The following PLXNA4 variants were observed in gnomAD, a reference collection of about 807,000 sequenced individuals.
PLXNA4 encodes plexin-A4.
Under a neutral mutation model 191.8 loss-of-function variants are expected in PLXNA4, and 44 were observed. The observed-to-expected ratio is 0.23, with a 90% CI of 0.18 to 0.29. PLXNA4 has a LOEUF of 0.29. Ranked by LOEUF, PLXNA4 falls within the 10% of genes least tolerant of loss-of-function variation. The pLI is 1.00. For missense variants in PLXNA4, 1,800 were observed against 2,488.8 expected (o/e 0.72, Z 5.89); for synonymous variants, 1,082 against 1,009.5 (o/e 1.07, Z -1.36).
intron 3 of PLXNA4, among the ~76,000 whole-genome samples, chr7:132,341,254 A>G (rs1186497075): frequency 6.6e-6 from 1 of 151,972 alleles, no homozygotes. Context: ...GTTTTCTCCA[A>G]CCCTTGGGTT....
chr7:132,417,784 C>G (rs1794710755), intron 3 of PLXNA4, among the ~76,000 whole-genome samples: 1 of 151,928 alleles, frequency 6.6e-6, no homozygotes, highest in African/African-American at 2.4e-5. Flanking sequence ...ATCTGTTACT[C>G]TGGTTTCTGC....
At chr7:132,376,334 A>G (rs910055376) in intron 3 of PLXNA4, among the ~76,000 whole-genome samples, 3 of 152,058 alleles carry the variant, frequency 2.0e-5, no homozygotes, top group Non-Finnish European at 2.9e-5. Context: ...GGAAGAAGAA[A>G]TCCATGTCTC....
At chr7:132,452,435 G>A (rs541408626) in intron 3 of PLXNA4, among the ~76,000 whole-genome samples, 1 of 152,332 alleles carries the variant, frequency 6.6e-6, no homozygotes, top group South Asian at 2.1e-4. Context: ...AGGAAAAGAA[G>A]AAGTAATGTG....
At chr7:132,260,594 T>C (rs533848828) in intron 4 of PLXNA4, among the ~76,000 whole-genome samples, 1 of 152,096 alleles carries the variant, frequency 6.6e-6, no homozygotes, top group Admixed American at 6.5e-5. Context: ...GGTGGGATCA[T>C]TTGTACACCA....
intron 2 of PLXNA4, among the ~76,000 whole-genome samples, chr7:132,602,009 G>A (rs1043467372): frequency 1.3e-5 from 2 of 152,180 alleles, no homozygotes; most frequent in African/African-American, 4.8e-5. Context: ...CTAAATCAAT[G>A]AGGCCCAGTC....
intron 4 of PLXNA4, among the ~76,000 whole-genome samples, chr7:132,273,032 A>G (rs1800135143): frequency 6.6e-6 from 1 of 152,196 alleles, no homozygotes; most frequent in Non-Finnish European, 1.5e-5. Context: ...TCTTTCCTAA[A>G]GCCATATCTA....
chr7:132,367,503 T>G (rs1804236686), intron 3 of PLXNA4: 1 of 145,614 alleles, frequency 6.9e-6, no homozygotes. Context: ...GGGGTGAAGG[T>G]ATTGGGAAGA....
rs1442302727 is a variant in PLXNA4, at chr7:132,236,454, G to A, written c.1604+4612C>T. 3.3e-5 allele frequency among the ~76,000 whole-genome samples: 5 copies of A among 152,246 alleles called. No homozygotes were observed. The East Asian group carries it at 9.7e-4, about 29-fold the overall frequency. On this transcript the variant is annotated intron_variant, in intron 5 of 31. Transcript: ENST00000321063. ...AAGGAACTCTTTTCCTGCCGTCCTG[G>A]TCTTCCTGAGTGAAGATCAGGCTTG...
chr7:132,468,830 C>A (rs774531336), intron 3 of PLXNA4, among the ~76,000 whole-genome samples: 9 of 152,114 alleles, frequency 5.9e-5, no homozygotes, highest in Non-Finnish European at 1.3e-4. Context: ...TGTAACACAT[C>A]AGCTGTTCAT....
intron 3 of PLXNA4, chr7:132,484,641 C>A (rs550074401): frequency 2.9e-4 from 328 of 1,144,706 alleles, no homozygotes; most frequent in Non-Finnish European, 3.8e-4. Flanking sequence ...AACTACCTGA[C>A]CGAACCCTGT....
intron 3 of PLXNA4, among the ~76,000 whole-genome samples, chr7:132,483,431 T>A: frequency 6.6e-6 from 1 of 152,216 alleles, no homozygotes; most frequent in Non-Finnish European, 1.5e-5. Context: ...TCCTTTCCCA[T>A]CTTTGTTGTC....
chr7:132,405,234 G>C (rs1242359790), intron 3 of PLXNA4, among the ~76,000 whole-genome samples: 1 of 152,106 alleles, frequency 6.6e-6, no homozygotes, highest in African/African-American at 2.4e-5. Context: ...TGGAGCCTGG[G>C]CCTTGGTGAT....
At chr7:132,214,747 C>T (rs906636959) in intron 9 of PLXNA4, among the ~76,000 whole-genome samples, 2 of 152,206 alleles carry the variant, frequency 1.3e-5, no homozygotes, top group Non-Finnish European at 2.9e-5. Flanking sequence ...GAAGGCTTCT[C>T]ACCCAGCAGG....
At chr7:132,554,798 G>A (rs1383718589) in intron 1 of PLXNA4, among the ~76,000 whole-genome samples, 1 of 152,158 alleles carries the variant, frequency 6.6e-6, no homozygotes, top group Non-Finnish European at 1.5e-5. Flanking sequence ...AGGCAAGTGA[G>A]GACATCCAAG....
chr7:132,310,965 ACTC>A (rs1479038525), intron 3 of PLXNA4, among the ~76,000 whole-genome samples: 16 of 151,964 alleles, frequency 1.1e-4, no homozygotes, highest in Non-Finnish European at 2.2e-4. Context: ...TTCTCCATTC[ACTC>A]CTCATCCCCT....
At chr7:132,420,838 C>T (rs1162668678) in intron 3 of PLXNA4, among the ~76,000 whole-genome samples, 2 of 152,072 alleles carry the variant, frequency 1.3e-5, no homozygotes, top group Non-Finnish European at 2.9e-5. Context: ...CAGGAGTTTC[C>T]CTGCATGCAC....
chr7:132,212,588 C>G (rs554406470), intron 9 of PLXNA4, among the ~76,000 whole-genome samples: 4 of 152,342 alleles, frequency 2.6e-5, no homozygotes, highest in South Asian at 4.1e-4. Flanking sequence ...CTTAACTCAT[C>G]ATGATTCCAT....
chr7:132,581,189 G>C (rs142447680), upstream of PLXNA4, among the ~76,000 whole-genome samples: 1,325 of 152,282 alleles, frequency 8.7e-3, 20 homozygotes, highest in African/African-American at 0.03. Context: ...CAAGGGTTCT[G>C]TCTTCAAGAC....
intron 1 of PLXNA4, among the ~76,000 whole-genome samples, chr7:132,526,047 C>T (rs903521763): frequency 1.3e-5 from 2 of 152,184 alleles, no homozygotes; most frequent in Non-Finnish European, 2.9e-5. Context: ...CCTCAAGGCA[C>T]TTTCACATCT....
Sources: allele counts gnomAD v4.1 joint callset (sites outside exome capture counted in the v4.1 genomes callset), GRCh38; gene constraint gnomAD v4.1.1; transcripts MANE v1.5; gene names NCBI Gene and HGNC (gene_info 2026-07-23, HGNC 2026-07-21).